The following AGT variants were observed in gnomAD, a reference collection of about 807,000 sequenced individuals.
The protein encoded by AGT is alpha-1 antiproteinase, antitrypsin.
A neutral mutation model predicts 28.1 loss-of-function variants in AGT; 26 were observed. That is an observed-to-expected ratio of 0.92 (90% confidence interval 0.68 to 1.28). The LOEUF is 1.28. Ranked by LOEUF, AGT falls within the 50% of genes most tolerant of loss-of-function variation. The pLI is 0.00. For missense variants in AGT, 596 were observed against 592.3 expected, an observed-to-expected ratio of 1.01 and a Z score of -0.06; for synonymous variants, 259 against 259.6, an observed-to-expected ratio of 1.00 and a Z score of 0.02.
intron 2 of AGT, 125 bp from the exon 3 acceptor site, chr1:230,706,325 C>G: frequency 9.4e-7 from 1 of 1,066,718 alleles, no homozygotes; most frequent in Non-Finnish European, 1.3e-6. Flanking sequence ...CCTTGGCCCC[C>G]CCCAGGCCAC....
At chr1:230,739,360 G>A (rs1168107320) in intron 1 of AGT, among the ~76,000 whole-genome samples, 1 of 151,886 alleles carries the variant, frequency 6.6e-6, no homozygotes, top group Non-Finnish European at 1.5e-5. Context: ...AATAATAAAT[G>A]TCCAATCACA....
chr1:230,710,059 G>C lies in AGT; in HGVS notation c.765C>G (p.Gly255=). The C allele has an allele frequency of 6.2e-7, 1 of 1,614,190 alleles. No individual in the cohort carries two copies. The highest frequency in any genetic ancestry group is 8.5e-7 in the Non-Finnish European group (1 of 1,180,028). The change falls in exon 2 of 5, where the codon GGC becomes GGG. Residue 255 remains glycine, a synonymous_variant. Coordinates refer to ENST00000366667, the MANE Select transcript of AGT (RefSeq NM_001384479.1). The part of the protein sequence containing the change: ...FMQAVTGWKT[G]CSLMGASVDS... ...CCACACTGGCTCCCATCAGGGAGCAGCCAGTCTTCCATCCTGTCACAGCCT... is the reference window on the plus strand; with the variant it reads ...CCACACTGGCTCCCATCAGGGAGCACCCAGTCTTCCATCCTGTCACAGCCT...
At chr1:230,705,878 G>C (rs1379415573) in intron 3 of AGT, 55 bp downstream of exon 3, 4 of 1,605,386 alleles carry the variant, frequency 2.5e-6, no homozygotes, top group Non-Finnish European at 3.4e-6. Context: ...CCCGCCCCCA[G>C]CCTGGGCAGG....
chr1:230,716,315 G>A (rs1663733480), upstream of AGT, among the ~76,000 whole-genome samples: 1 of 152,188 alleles, frequency 6.6e-6, no homozygotes, highest in Admixed American at 6.5e-5. Context: ...TTCCCAGTAG[G>A]CACCTTCTGT....
At chr1:230,734,905 A>C (rs6660955) in intron 1 of AGT, among the ~76,000 whole-genome samples, 1 of 151,758 alleles carries the variant, frequency 6.6e-6, no homozygotes, top group South Asian at 2.1e-4. Flanking sequence ...TAGTAGAGAC[A>C]GGGTTTCACC....
At chr1:230,708,852 T>C (rs1416937514) in intron 2 of AGT, among the ~76,000 whole-genome samples, 2 of 152,062 alleles carry the variant, frequency 1.3e-5, no homozygotes, top group African/African-American at 2.4e-5. Flanking sequence ...ACAGAACGCG[T>C]CCCCATTCCC....
intron 2 of AGT, 80 bp downstream of exon 2, chr1:230,709,915 C>T: frequency 6.2e-7 from 1 of 1,601,440 alleles, no homozygotes; most frequent in South Asian, 1.1e-5. Context: ...CTGCCCATCT[C>T]CAAGGCCTGA....
intron 1 of AGT, among the ~76,000 whole-genome samples, chr1:230,740,370 C>T (rs1664226712): frequency 6.6e-6 from 1 of 152,114 alleles, no homozygotes; most frequent in Admixed American, 6.5e-5. Context: ...CATCCTGTGA[C>T]TAAGAACGCC....
At chr1:230,739,581 G>A (rs1259172410) in intron 1 of AGT, among the ~76,000 whole-genome samples, 1 of 152,112 alleles carries the variant, frequency 6.6e-6, no homozygotes, top group Non-Finnish European at 1.5e-5. Flanking sequence ...AAATGTTGGA[G>A]CCAGGCTGAG....
intron 3 of AGT, among the ~76,000 whole-genome samples, chr1:230,705,171 G>A (rs938786663): frequency 1.3e-5 from 2 of 152,162 alleles, no homozygotes; most frequent in African/African-American, 4.8e-5. Flanking sequence ...GGAGATGGAC[G>A]GGGGTGATGG....
At chr1:230,706,752 G>A (rs1663398985) in intron 2 of AGT, among the ~76,000 whole-genome samples, 1 of 151,946 alleles carries the variant, frequency 6.6e-6, no homozygotes, top group African/African-American at 2.4e-5. Flanking sequence ...ACACTGACAC[G>A]TCCTCAGCAC....
At chr1:230,711,586 G>A (rs1442251392) in intron 1 of AGT, among the ~76,000 whole-genome samples, 1 of 152,088 alleles carries the variant, frequency 6.6e-6, no homozygotes, top group Non-Finnish European at 1.5e-5. Context: ...GGGCCCTAGG[G>A]TGAGGGCTGG....
chr1:230,732,545 T>C (rs1664087019), intron 1 of AGT, among the ~76,000 whole-genome samples: 1 of 152,150 alleles, frequency 6.6e-6, no homozygotes, highest in Non-Finnish European at 1.5e-5. Context: ...CAAACTCAAC[T>C]CCTAATAGCC....
intron 1 of AGT, among the ~76,000 whole-genome samples, chr1:230,742,293 G>T (rs577392938): frequency 6.6e-6 from 1 of 152,028 alleles, no homozygotes; most frequent in Non-Finnish European, 1.5e-5. Context: ...TACTCTACAT[G>T]CCATTCTGCA....
chr1:230,740,448 C>T (rs1286479349), intron 1 of AGT, among the ~76,000 whole-genome samples: 2 of 152,178 alleles, frequency 1.3e-5, no homozygotes, highest in Middle Eastern at 3.2e-3. Flanking sequence ...AAGTTGGAGA[C>T]ATTCTGGCTC....
upstream of AGT, among the ~76,000 whole-genome samples, chr1:230,717,900 G>C (rs34717353): frequency 6.6e-6 from 1 of 152,112 alleles, no homozygotes; most frequent in Admixed American, 6.5e-5. Flanking sequence ...ATGGGCTTTA[G>C]ACTCCTGACA....
At chr1:230,719,041 G>T (rs2102796944), upstream of AGT, among the ~76,000 whole-genome samples, 1 of 152,112 alleles carries the variant, frequency 6.6e-6, no homozygotes, top group East Asian at 1.9e-4. Flanking sequence ...ATGCTTTTTT[G>T]AAGGCTGAAT....
intron 2 of AGT, 92 bp downstream of exon 2, chr1:230,709,903 C>G: frequency 1.3e-6 from 2 of 1,579,074 alleles, no homozygotes; most frequent in East Asian, 2.2e-5. Context: ...CAGGGCTGCC[C>G]CCTGCCCATC....
At chr1:230,720,089 G>A (rs1477512238) in intron 1 of AGT, among the ~76,000 whole-genome samples, 4 of 152,096 alleles carry the variant, frequency 2.6e-5, no homozygotes, top group South Asian at 2.1e-4. Flanking sequence ...AAAATCCTCA[G>A]GTTTGCACAG....
Sources: allele counts gnomAD v4.1 joint callset (sites outside exome capture counted in the v4.1 genomes callset), GRCh38; gene constraint gnomAD v4.1.1; transcripts MANE v1.5; gene names NCBI Gene and HGNC (gene_info 2026-07-23, HGNC 2026-07-21).